Variants in HIGD1C observed in about 807,000 individuals in gnomAD.
The protein encoded by HIGD1C is HIG1 hypoxia inducible domain family member 1C.
Under a neutral mutation model 13.1 loss-of-function variants are expected in HIGD1C, and 11 were observed. The ratio of observed to expected loss-of-function variants is 0.84; its 90% CI spans 0.53 to 1.39. HIGD1C has a LOEUF of 1.39. HIGD1C is among the 40% of genes most tolerant of loss of function. The pLI is 0.00. For synonymous variants in HIGD1C, 36 were observed against 37.7 expected (o/e 0.95, Z 0.17); for missense variants, 110 against 112.0 (o/e 0.98, Z 0.08).
At chr12:50,941,985 C>A in the HIGD1C span, among the ~76,000 whole-genome samples, 12 of 152,046 alleles carry the variant, frequency 7.9e-5, no homozygotes, top group Non-Finnish European at 7.4e-5. Context: ...ACCCTCCAGG[C>A]TCAAGGGATG....
Position 50,970,470 on chromosome 12 carries a change from C to G in HIGD1C, c.258C>G (p.Tyr86Ter), listed in dbSNP as rs765535248. 3 of 1,529,600 alleles carry G rather than the reference C, an allele frequency of 2.0e-6. No individual in the cohort carries two copies. The South Asian group carries it at 3.6e-5, about 18-fold the overall frequency. 94.8% of individuals were successfully genotyped at this position (1,529,600 alleles called of 1,614,324 possible). A position where few individuals can be genotyped will look rare whatever the true frequency, so the allele number is the denominator to read the frequency against. ...TTCTCTATTCTATGTATAAGGATTA[C>G]ATTAGACCACGATTCTTCAGTGAGT... Residue 86 changes from tyrosine (Y) to a stop codon, truncating the protein, a stop_gained, in exon 3 of 3, where the codon TAC (tyrosine) becomes TAG (stop). Transcript: ENST00000398455. LOFTEE classifies it high-confidence loss of function.
the HIGD1C span, among the ~76,000 whole-genome samples, chr12:50,948,323 A>G: frequency 6.6e-6 from 1 of 152,204 alleles, no homozygotes; most frequent in South Asian, 2.1e-4. Flanking sequence ...CTCATAATAC[A>G]AGAAATGCTC....
At chr12:50,970,130 T>C (rs910778543) in intron 2 of HIGD1C, among the ~76,000 whole-genome samples, 1 of 152,206 alleles carries the variant, frequency 6.6e-6, no homozygotes, top group Non-Finnish European at 1.5e-5. Context: ...TGTTTGCTAA[T>C]TGAGATGACT....
chr12:50,942,177 C>T, the HIGD1C span, among the ~76,000 whole-genome samples: 1 of 152,188 alleles, frequency 6.6e-6, no homozygotes, highest in Non-Finnish European at 1.5e-5. Flanking sequence ...CCACCGCACC[C>T]GGCCCATGTT....
the HIGD1C span, among the ~76,000 whole-genome samples, chr12:50,944,882 G>A: frequency 6.6e-6 from 1 of 152,114 alleles, no homozygotes; most frequent in Admixed American, 6.6e-5. Flanking sequence ...GCAAGACTCT[G>A]TCTCAAAATA....
At chr12:50,942,801 C>T in the HIGD1C span, among the ~76,000 whole-genome samples, 1 of 151,424 alleles carries the variant, frequency 6.6e-6, no homozygotes, top group Non-Finnish European at 1.5e-5. Flanking sequence ...GAGTTCGAGG[C>T]TGCAGTGAGC....
downstream of HIGD1C, among the ~76,000 whole-genome samples, chr12:50,971,023 C>T (rs528151712): frequency 6.6e-6 from 1 of 152,032 alleles, no homozygotes; most frequent in Non-Finnish European, 1.5e-5. Flanking sequence ...GGATTACAAG[C>T]ACCCACCACC....
chr12:50,932,996 T>C, the HIGD1C span, among the ~76,000 whole-genome samples: 21 of 152,318 alleles, frequency 1.4e-4, no homozygotes, highest in Admixed American at 9.1e-4. Context: ...CAGGTTGAAA[T>C]GATGAAATGT....
intron 1 of HIGD1C, among the ~76,000 whole-genome samples, chr12:50,960,565 G>GA (rs2139805745): frequency 6.9e-6 from 1 of 145,834 alleles, no homozygotes; most frequent in South Asian, 2.3e-4. Context: ...TTGGTTCTTT[G>GA]AAAAATGTTC....
At chr12:50,936,027 A>C in the HIGD1C span, among the ~76,000 whole-genome samples, 1 of 151,948 alleles carries the variant, frequency 6.6e-6, no homozygotes, top group Admixed American at 6.6e-5. Flanking sequence ...GGCGTGGTGG[A>C]GGCCACCTGT....
upstream of HIGD1C, chr12:50,949,109 A>G (rs1938847624): frequency 6.6e-6 from 1 of 151,836 alleles, no homozygotes; most frequent in Non-Finnish European, 1.5e-5. Flanking sequence ...AAAGATCCCT[A>G]GAATGTGAAG....
At chr12:50,972,130 G>T (rs1939777173), downstream of HIGD1C, among the ~76,000 whole-genome samples, 1 of 152,192 alleles carries the variant, frequency 6.6e-6, no homozygotes, top group Non-Finnish European at 1.5e-5. Flanking sequence ...AGCTGGCATG[G>T]AAATAAGTCA....
At chr12:50,944,394 G>A in the HIGD1C span, among the ~76,000 whole-genome samples, 1 of 152,154 alleles carries the variant, frequency 6.6e-6, no homozygotes, top group African/African-American at 2.4e-5. Context: ...ACTCACATCT[G>A]TAATGAATCC....
chr12:50,939,958 G>A, the HIGD1C span: 1 of 150,992 alleles, frequency 6.6e-6, no homozygotes, highest in African/African-American at 2.4e-5. Context: ...AGTGGGAGTG[G>A]AGGAGGAACA....
chr12:50,960,956 T>C lies in HIGD1C; in HGVS notation c.95-12T>C, dbSNP rs775305025. On this transcript the variant is annotated splice_polypyrimidine_tract_variant and intron_variant, in intron 1 of 2. Coordinates refer to ENST00000398455, the Ensembl canonical transcript of HIGD1C. ...CAGCCTTCCAAATAACCCATACTTTTAAAATTCACAGGTATAGCAGGCTTT... is the reference window on the plus strand; with the variant it reads ...CAGCCTTCCAAATAACCCATACTTTCAAAATTCACAGGTATAGCAGGCTTT... The C allele has an allele frequency of 6.4e-7, 1 of 1,555,692 alleles. No individual in the cohort carries two copies. Among genetic ancestry groups the C allele is most frequent in the Non-Finnish European group, 8.7e-7 (1 of 1,148,804 alleles).
At chr12:50,965,413 G>A (rs762972718) in intron 2 of HIGD1C, among the ~76,000 whole-genome samples, 4 of 151,588 alleles carry the variant, frequency 2.6e-5, no homozygotes, top group South Asian at 2.1e-4. Context: ...GTCAGCCACC[G>A]TGCCCAGCCA....
chr12:50,944,897 A>T, the HIGD1C span, among the ~76,000 whole-genome samples: 3 of 152,230 alleles, frequency 2.0e-5, no homozygotes, highest in East Asian at 5.8e-4. Context: ...AAAATAAATA[A>T]ATAATTCATC....
At chr12:50,943,507 G>T in the HIGD1C span, among the ~76,000 whole-genome samples, 3 of 151,980 alleles carry the variant, frequency 2.0e-5, no homozygotes, top group South Asian at 4.1e-4. Context: ...TCAGGAGATC[G>T]AGACCATCCT....
At chr12:50,952,736 T>C (rs1459638304), upstream of HIGD1C, among the ~76,000 whole-genome samples, 1 of 152,188 alleles carries the variant, frequency 6.6e-6, no homozygotes, top group Non-Finnish European at 1.5e-5. Context: ...CGGGCTCTCA[T>C]CGCCTCAGCC....
Sources: allele counts gnomAD v4.1 joint callset (sites outside exome capture counted in the v4.1 genomes callset), GRCh38; gene constraint gnomAD v4.1.1; transcripts MANE v1.5; gene names NCBI Gene and HGNC (gene_info 2026-07-23, HGNC 2026-07-21).